Variants in PDE4D observed in about 807,000 individuals in gnomAD.
PDE4D encodes the protein 3',5'-cyclic-AMP phosphodiesterase 4D.
Under a neutral mutation model 87.4 loss-of-function variants are expected in PDE4D, and 24 were observed. The observed-to-expected ratio is 0.27, with a 90% CI of 0.20 to 0.39. The LOEUF is 0.39. Among genes scored for constraint, PDE4D ranks in the 10% least tolerant of loss-of-function variants. The pLI is 1.00. For missense variants in PDE4D, 714 were observed against 1,041.0 expected (o/e 0.69, Z 4.32); for synonymous variants, 384 against 383.2 (o/e 1.00, Z -0.02).
At chr5:59,043,662 C>T (rs1011317025) in intron 5 of PDE4D, among the ~76,000 whole-genome samples, 1 of 152,074 alleles carries the variant, frequency 6.6e-6, no homozygotes, top group African/African-American at 2.4e-5. Context: ...CCCATTAACT[C>T]CTCATTTACA....
At chr5:59,009,935 G>A (rs951683878) in intron 6 of PDE4D, among the ~76,000 whole-genome samples, 7 of 152,072 alleles carry the variant, frequency 4.6e-5, no homozygotes, top group Non-Finnish European at 8.8e-5. Flanking sequence ...CCCTTTCAAA[G>A]AGCTCCACCA....
chr5:59,759,600 C>T (rs540919766), intron 1 of PDE4D, among the ~76,000 whole-genome samples: 4 of 152,300 alleles, frequency 2.6e-5, no homozygotes, highest in Non-Finnish European at 5.9e-5. Flanking sequence ...CTTTTGATTT[C>T]GTGGAAAGCC....
intron 1 of PDE4D, among the ~76,000 whole-genome samples, chr5:59,225,295 T>A (rs1299139746): frequency 2.0e-5 from 3 of 152,238 alleles, no homozygotes; most frequent in African/African-American, 7.2e-5. Context: ...GACATCCTTG[T>A]CAAAGATCAG....
intron 1 of PDE4D, among the ~76,000 whole-genome samples, chr5:59,507,635 A>T (rs1809498304): frequency 6.9e-6 from 1 of 145,366 alleles, no homozygotes; most frequent in Non-Finnish European, 1.5e-5. Context: ...ACTGTACTAC[A>T]GCCTGGGTGA....
intron 1 of PDE4D, among the ~76,000 whole-genome samples, chr5:59,756,691 G>A (rs1201217795): frequency 6.6e-6 from 1 of 151,914 alleles, no homozygotes; most frequent in African/African-American, 2.4e-5. Context: ...AAAAGACACA[G>A]CAACAGAAGG....
In PDE4D at chr5:60,334,779, T is replaced by C. The variant is rs114883614; in HGVS notation, c.-89-149092A>G. On this transcript the variant is annotated intron_variant, in intron 1 of 16. Transcript: ENST00000502484. ...GTTTTACCCTCCCAGTTGTTCTTAA[T>C]GAGGCTAAGACTCCCCAAATAAGTA... Among the ~76,000 whole-genome samples the C allele has an allele frequency of 7.8e-3, 1,188 of 152,174 alleles. 14 individuals carry two copies. The highest frequency in any genetic ancestry group is 0.025 in the African/African-American group (1,022 of 41,526).
At chr5:59,919,144 G>A (rs576002856) in intron 3 of PDE4D, among the ~76,000 whole-genome samples, 29 of 152,044 alleles carry the variant, frequency 1.9e-4, no homozygotes, top group Non-Finnish European at 3.5e-4. Flanking sequence ...TATTGTTCTC[G>A]AATTGATAAC....
intron 4 of PDE4D, among the ~76,000 whole-genome samples, chr5:59,184,133 G>C (rs565154700): frequency 6.6e-6 from 1 of 152,300 alleles, no homozygotes; most frequent in East Asian, 1.9e-4. Context: ...TATCCCAGTA[G>C]ATGAGGAGAG....
intron 1 of PDE4D, among the ~76,000 whole-genome samples, chr5:59,703,047 C>T (rs934899958): frequency 6.6e-6 from 1 of 152,044 alleles, no homozygotes; most frequent in Non-Finnish European, 1.5e-5. Context: ...AATCCTAAAG[C>T]GTCACATAGA....
At chr5:59,193,560 A>T (rs1744786467) in intron 2 of PDE4D, 24 bp from the exon 3 acceptor site, 1 of 1,611,468 alleles carries the variant, frequency 6.2e-7, no homozygotes, top group Non-Finnish European at 8.5e-7. Flanking sequence ...CAAATCCCGC[A>T]TTAGAAATCA....
At chr5:59,356,640 T>C (rs1321381149) in intron 1 of PDE4D, 2 of 739,276 alleles carry the variant, frequency 2.7e-6, no homozygotes, top group Non-Finnish European at 4.2e-6. Context: ...TTATTTAATA[T>C]ATTGTCAATT....
At chr5:59,150,805 G>T (rs760374919) in intron 5 of PDE4D, among the ~76,000 whole-genome samples, 1 of 152,092 alleles carries the variant, frequency 6.6e-6, no homozygotes, top group Non-Finnish European at 1.5e-5. Flanking sequence ...TTGCAACTAA[G>T]GTAATTGGTG....
At chr5:60,004,221 T>C (rs535196117) in intron 2 of PDE4D, among the ~76,000 whole-genome samples, 1 of 152,098 alleles carries the variant, frequency 6.6e-6, no homozygotes, top group Non-Finnish European at 1.5e-5. Flanking sequence ...CAAAATGAAA[T>C]ATTTTCTACA....
At chr5:60,384,379 T>G (rs1197259069) in intron 1 of PDE4D, among the ~76,000 whole-genome samples, 4 of 152,220 alleles carry the variant, frequency 2.6e-5, no homozygotes, top group African/African-American at 4.8e-5. Flanking sequence ...GTAATAAAAC[T>G]AAATGTCTTA....
chr5:59,457,492 T>C (rs1800106437), intron 1 of PDE4D, among the ~76,000 whole-genome samples: 1 of 152,204 alleles, frequency 6.6e-6, no homozygotes, highest in African/African-American at 2.4e-5. Flanking sequence ...TTTATTTTGG[T>C]CATCTGAAAC....
intron 2 of PDE4D, among the ~76,000 whole-genome samples, chr5:59,211,992 C>T (rs1265473110): frequency 2.0e-5 from 3 of 152,012 alleles, no homozygotes; most frequent in African/African-American, 7.2e-5. Flanking sequence ...TCATTAGGTA[C>T]CTATCCTCAT....
At chr5:60,284,469 G>A (rs7711707) in intron 1 of PDE4D, among the ~76,000 whole-genome samples, 28,386 of 151,902 alleles carry the variant, frequency 0.19, 3,307 homozygotes, top group African/African-American at 0.33. Context: ...GGTCTTAACC[G>A]TAACACTAAA....
At chr5:59,870,396 C>T (rs182151900) in intron 1 of PDE4D, among the ~76,000 whole-genome samples, 2 of 152,174 alleles carry the variant, frequency 1.3e-5, no homozygotes, top group African/African-American at 4.8e-5. Context: ...AACAAATGCA[C>T]ATGTTCAGTT....
intron 1 of PDE4D, among the ~76,000 whole-genome samples, chr5:59,393,812 G>A (rs1788731778): frequency 6.6e-6 from 1 of 151,224 alleles, no homozygotes; most frequent in Non-Finnish European, 1.5e-5. Context: ...AAAGTAACAG[G>A]TGGTTTCTCT....
Sources: allele counts gnomAD v4.1 joint callset (sites outside exome capture counted in the v4.1 genomes callset), GRCh38; gene constraint gnomAD v4.1.1; transcripts MANE v1.5; gene names NCBI Gene and HGNC (gene_info 2026-07-23, HGNC 2026-07-21).